MREG: variants seen among roughly 807,000 people sequenced by gnomAD.
The protein encoded by MREG is dilute suppressor protein homolog.
A neutral mutation model predicts 28.5 loss-of-function variants in MREG; 31 were observed. The observed-to-expected ratio is 1.09, with a 90% CI of 0.82 to 1.47. MREG has a LOEUF of 1.47. Among genes scored for constraint, MREG ranks in the 40% most tolerant of loss-of-function variants. The pLI, the probability that MREG is intolerant of heterozygous loss-of-function variation, is 0.00. For missense variants in MREG, 256 were observed against 257.4 expected (o/e 0.99, Z 0.04); for synonymous variants, 106 against 95.2 (o/e 1.11, Z -0.66).
At chr2:215,979,791 C>T (rs1164300160) in intron 2 of MREG, among the ~76,000 whole-genome samples, 1 of 151,900 alleles carries the variant, frequency 6.6e-6, no homozygotes, top group East Asian at 1.9e-4. Context: ...ATCTCAGACA[C>T]TCTAAGAAAA....
chr2:216,023,717 G>A (rs1694557409), intron 1 of MREG, among the ~76,000 whole-genome samples: 1 of 152,092 alleles, frequency 6.6e-6, no homozygotes, highest in Admixed American at 6.5e-5. Context: ...GCCCAGGCTG[G>A]AGTGCAGTGG....
chr2:216,031,519 G>GAAA (rs1694698292), intron 1 of MREG, among the ~76,000 whole-genome samples: 2 of 116,328 alleles, frequency 1.7e-5, no homozygotes, highest in Admixed American at 1.0e-4. Context: ...AAGGAAGGAA[G>GAAA]GGAAAAGAAA....
intron 1 of MREG, among the ~76,000 whole-genome samples, chr2:215,998,741 C>A (rs1693938096): frequency 6.6e-6 from 1 of 151,328 alleles, no homozygotes; most frequent in South Asian, 2.1e-4. Flanking sequence ...CTTTTATGAG[C>A]ATGTCAAATT....
intron 2 of MREG, among the ~76,000 whole-genome samples, chr2:215,948,040 G>A (rs558687745): frequency 1.3e-5 from 2 of 152,100 alleles, no homozygotes; most frequent in Non-Finnish European, 2.9e-5. Flanking sequence ...CTAATGCACA[G>A]CCCAAAAGAA....
intron 2 of MREG, among the ~76,000 whole-genome samples, chr2:215,983,914 A>G (rs1173417595): frequency 1.3e-5 from 2 of 152,228 alleles, no homozygotes; most frequent in Non-Finnish European, 2.9e-5. Flanking sequence ...TGCCAAATAA[A>G]CATCACCAGT....
At chr2:215,976,403 T>G (rs1693262268) in intron 2 of MREG, among the ~76,000 whole-genome samples, 1 of 152,238 alleles carries the variant, frequency 6.6e-6, no homozygotes, top group Admixed American at 6.5e-5. Context: ...TTCTGCTACC[T>G]GCCTTCCCAA....
At chr2:215,985,424 G>A (rs1693541847) in intron 2 of MREG, among the ~76,000 whole-genome samples, 1 of 152,122 alleles carries the variant, frequency 6.6e-6, no homozygotes, top group South Asian at 2.1e-4. Flanking sequence ...CTACTTAGAG[G>A]TTTGCAAATG....
At position 215,976,849 on chromosome 2, in the gene MREG, A is replaced by G. The variant is rs377502632; in HGVS notation, c.255+19457T>C. Among the ~76,000 whole-genome samples the G allele has an allele frequency of 7.4e-4, 113 of 152,340 alleles. 1 individual carries two copies. The highest frequency in any genetic ancestry group is 2.6e-3 in the African/African-American group (107 of 41,576). On this transcript the variant is annotated intron_variant, in intron 2 of 4. Transcript: ENST00000263268. Reference sequence around the variant, plus strand: ...AAGGCTGAGAGCTTTTGTCACCACCAGGCCTGCCTTACAAGAGCTCCTGAA... The same window carrying G: ...AAGGCTGAGAGCTTTTGTCACCACCGGGCCTGCCTTACAAGAGCTCCTGAA...
chr2:215,982,838 A>G (rs1471143396), intron 2 of MREG, among the ~76,000 whole-genome samples: 1 of 152,174 alleles, frequency 6.6e-6, no homozygotes, highest in African/African-American at 2.4e-5. Context: ...TCTGAGTCAA[A>G]ATGCCTCTTT....
intron 2 of MREG, among the ~76,000 whole-genome samples, chr2:215,952,199 T>G (rs1692508252): frequency 6.6e-6 from 1 of 152,238 alleles, no homozygotes; most frequent in Non-Finnish European, 1.5e-5. Context: ...TTCCATATCT[T>G]GGCTATTGTG....
chr2:216,008,443 C>T (rs1165381798), intron 1 of MREG, among the ~76,000 whole-genome samples: 1 of 152,050 alleles, frequency 6.6e-6, no homozygotes, highest in East Asian at 1.9e-4. Context: ...AAAGAATGAA[C>T]AACAATAGCT....
At chr2:215,984,152 G>A (rs758840213) in intron 2 of MREG, among the ~76,000 whole-genome samples, 1 of 152,192 alleles carries the variant, frequency 6.6e-6, no homozygotes, top group Non-Finnish European at 1.5e-5. Flanking sequence ...GGCAAAGAGA[G>A]AGAACTTGTG....
intron 1 of MREG, among the ~76,000 whole-genome samples, chr2:216,003,865 A>G (rs545390566): frequency 2.0e-5 from 3 of 152,236 alleles, no homozygotes; most frequent in African/African-American, 7.2e-5. Context: ...TATGTTTTGC[A>G]TAAGAATTTC....
In MREG at chr2:215,998,259, C is replaced by T. The variant is rs574720589; in HGVS notation, c.96-1794G>A. Among the ~76,000 whole-genome samples the T allele has an allele frequency of 6.6e-5, 10 of 150,644 alleles. No individual in the cohort carries two copies. The East Asian group carries it at 2.0e-3, about 29-fold the overall frequency. ...GGCAGAGGTTGCAGTGAGCTGAGATCGCGCCATTGTACTCCAGTCTGGGCG... is the reference window on the plus strand; with the variant it reads ...GGCAGAGGTTGCAGTGAGCTGAGATTGCGCCATTGTACTCCAGTCTGGGCG... On this transcript the variant is annotated intron_variant, in intron 1 of 4. Transcript: ENST00000263268.
chr2:216,032,416 T>C (rs7600247), intron 1 of MREG, among the ~76,000 whole-genome samples: 50,034 of 152,134 alleles, frequency 0.33, 8,497 homozygotes, highest in Admixed American at 0.41. Context: ...TATAGAATAA[T>C]TGGATGACAT....
At chr2:216,014,919 T>C (rs192855758), upstream of MREG, among the ~76,000 whole-genome samples, 6 of 152,328 alleles carry the variant, frequency 3.9e-5, no homozygotes, top group African/African-American at 1.2e-4. Flanking sequence ...TCATCTGTTA[T>C]GTGCTGGGTA....
At chr2:215,966,601 CTTTTTTT>C (rs1052642780) in intron 2 of MREG, among the ~76,000 whole-genome samples, 3 of 136,678 alleles carry the variant, frequency 2.2e-5, no homozygotes, top group Non-Finnish European at 4.7e-5. Flanking sequence ...AACATTTTCC[CTTTTTTT>C]TTTTTTTTTT....
intron 1 of MREG, 41 bp from the exon 2 acceptor site, chr2:215,996,506 A>C: frequency 1.3e-6 from 2 of 1,488,792 alleles, no homozygotes; most frequent in African/African-American, 2.8e-5. Flanking sequence ...TTTATAATAT[A>C]CATAAAATGT....
At chr2:215,955,616 TCTTTC>T (rs1692604487) in intron 2 of MREG, among the ~76,000 whole-genome samples, 1 of 152,266 alleles carries the variant, frequency 6.6e-6, no homozygotes. Flanking sequence ...GACTGTTGTC[TCTTTC>T]CTTTCAGTTC....
Sources: gnomAD v4.1 joint callset for allele counts (sites outside exome capture counted in the v4.1 genomes callset) on GRCh38, gnomAD v4.1.1 for gene constraint, MANE v1.5 for transcripts, NCBI Gene and HGNC (gene_info 2026-07-23, HGNC 2026-07-21) for gene names.